CDH18: variants seen among roughly 807,000 people sequenced by gnomAD.
The protein encoded by CDH18 is cadherin 18, also known as cadherin-18.
Under a neutral mutation model 67.9 loss-of-function variants are expected in CDH18, and 31 were observed. The observed-to-expected ratio is 0.46, with a 90% confidence interval of 0.34 to 0.62. The LOEUF is 0.62. CDH18 is among the 20% of genes least tolerant of loss of function. The probability of loss-of-function intolerance (pLI) is 0.01; values close to 1 mark genes in which losing one functional copy is unlikely to be tolerated. For synonymous variants in CDH18, 362 were observed against 347.2 expected, an observed-to-expected ratio of 1.04 and a Z score of -0.48; for missense variants, 890 against 975.5, an observed-to-expected ratio of 0.91 and a Z score of 1.17.
intron 2 of CDH18, among the ~76,000 whole-genome samples, chr5:20,208,626 A>T (rs1650940382): frequency 6.6e-6 from 1 of 151,764 alleles, no homozygotes; most frequent in African/African-American, 2.4e-5. Flanking sequence ...ACTAGAAGAA[A>T]GCATTGCAGA....
At chr5:20,492,179 ATTTT>A (rs374939338) in intron 1 of CDH18, among the ~76,000 whole-genome samples, 1 of 149,404 alleles carries the variant, frequency 6.7e-6, no homozygotes, top group African/African-American at 2.5e-5. Flanking sequence ...AGTAACATTG[ATTTT>A]TTTTTTGCCA....
At chr5:20,508,653 T>A (rs1754812136) in intron 1 of CDH18, among the ~76,000 whole-genome samples, 1 of 151,914 alleles carries the variant, frequency 6.6e-6, no homozygotes, top group Non-Finnish European at 1.5e-5. Flanking sequence ...GTGGCAAGAA[T>A]ATAGAGTTTG....
intron 9 of CDH18, among the ~76,000 whole-genome samples, chr5:19,529,913 G>A (rs866183920): frequency 1.5e-4 from 23 of 152,044 alleles, no homozygotes; most frequent in Non-Finnish European, 2.2e-4. Context: ...CCAAAAATCC[G>A]ATATTGTTGA....
At chr5:20,392,676 T>C (rs1049855937) in intron 1 of CDH18, among the ~76,000 whole-genome samples, 35 of 151,930 alleles carry the variant, frequency 2.3e-4, no homozygotes, top group Admixed American at 8.5e-4. Flanking sequence ...TTGAGTCTAA[T>C]GCAGTGCTTT....
rs990534042 is a variant in CDH18 at position 20,339,607 on chromosome 5, C to T, written c.-579-84102G>A. 2.4e-4 allele frequency among the ~76,000 whole-genome samples: 36 copies of T among 152,164 alleles called. No homozygotes were observed. The East Asian group carries it at 6.2e-3, about 26-fold the overall frequency. ...CCAACTTATCCAGGACTTCCTAGAA[C>T]CCCGTCAAACTTACCCCATTCTAGG... On this transcript the variant is annotated intron_variant, in intron 1 of 14. Transcript: ENST00000507958.
At chr5:19,663,741 A>G (rs897327677) in intron 5 of CDH18, among the ~76,000 whole-genome samples, 3 of 151,974 alleles carry the variant, frequency 2.0e-5, no homozygotes, top group African/African-American at 4.8e-5. Context: ...TGACTAGTGT[A>G]CATATTTTTC....
chr5:19,763,291 G>A (rs1772618046), intron 3 of CDH18, among the ~76,000 whole-genome samples: 1 of 152,168 alleles, frequency 6.6e-6, no homozygotes, highest in South Asian at 2.1e-4. Context: ...TTGTTAATGG[G>A]AGCATGGACC....
At chr5:20,284,900 T>C (rs1170965617) in intron 1 of CDH18, among the ~76,000 whole-genome samples, 1 of 151,864 alleles carries the variant, frequency 6.6e-6, no homozygotes, top group Non-Finnish European at 1.5e-5. Context: ...GGATAGCACA[T>C]GGTCTATAAT....
chr5:19,793,946 A>G (rs188932313), intron 3 of CDH18, among the ~76,000 whole-genome samples: 177 of 152,246 alleles, frequency 1.2e-3, no homozygotes, highest in African/African-American at 4.2e-3. Flanking sequence ...ATAATTTTCC[A>G]TATCTTAAGT....
intron 5 of CDH18, among the ~76,000 whole-genome samples, chr5:19,703,583 A>G (rs915470336): frequency 6.6e-6 from 1 of 151,934 alleles, no homozygotes; most frequent in African/African-American, 2.4e-5. Context: ...CACAGGGCAA[A>G]AAGTAGTTGC....
intron 2 of CDH18, among the ~76,000 whole-genome samples, chr5:20,011,028 C>T (rs1449799834): frequency 1.3e-5 from 2 of 152,102 alleles, no homozygotes; most frequent in Non-Finnish European, 2.9e-5. Flanking sequence ...TATCATTTTG[C>T]CTCACAAATA....
chr5:20,265,724 GA>G (rs1561923817), intron 1 of CDH18, among the ~76,000 whole-genome samples: 1 of 152,132 alleles, frequency 6.6e-6, no homozygotes, highest in Admixed American at 6.5e-5. Flanking sequence ...CTAGAGCAAT[GA>G]GCACTCTTTC....
intron 5 of CDH18, among the ~76,000 whole-genome samples, chr5:19,659,022 C>A (rs937581205): frequency 6.6e-6 from 1 of 152,076 alleles, no homozygotes; most frequent in Non-Finnish European, 1.5e-5. Flanking sequence ...AGCTGGAAAC[C>A]ATCATTCTCA....
intron 1 of CDH18, among the ~76,000 whole-genome samples, chr5:20,534,223 G>A (rs1756579661): frequency 1.3e-5 from 2 of 151,928 alleles, no homozygotes; most frequent in African/African-American, 4.8e-5. Context: ...TTTTGAATTA[G>A]TTAATACTAG....
At chr5:20,451,707 A>G (rs1750465902) in intron 1 of CDH18, among the ~76,000 whole-genome samples, 2 of 152,234 alleles carry the variant, frequency 1.3e-5, no homozygotes, top group South Asian at 4.1e-4. Context: ...TCTTGTAAAT[A>G]TTTTGATTTT....
At chr5:20,003,814 C>G (rs544744823) in intron 2 of CDH18, among the ~76,000 whole-genome samples, 1 of 152,142 alleles carries the variant, frequency 6.6e-6, no homozygotes, top group African/African-American at 2.4e-5. Flanking sequence ...AGGAGAATGG[C>G]GTGAGCCCGG....
intron 5 of CDH18, among the ~76,000 whole-genome samples, chr5:19,629,106 T>C (rs1752028105): frequency 6.6e-6 from 1 of 152,012 alleles, no homozygotes; most frequent in African/African-American, 2.4e-5. Context: ...AATTTAATAG[T>C]GGATATGAAA....
intron 4 of CDH18, among the ~76,000 whole-genome samples, chr5:19,743,720 A>G (rs902597496): frequency 6.6e-5 from 10 of 152,126 alleles, no homozygotes; most frequent in Non-Finnish European, 1.3e-4. Context: ...CAAGAGTTCA[A>G]GACCAGCCTG....
At chr5:20,246,424 C>G (rs963793624) in intron 2 of CDH18, among the ~76,000 whole-genome samples, 1 of 152,052 alleles carries the variant, frequency 6.6e-6, no homozygotes, top group Non-Finnish European at 1.5e-5. Context: ...TTATTCGAAA[C>G]TCTTTTAAAT....
Sources: allele counts gnomAD v4.1 joint callset (sites outside exome capture counted in the v4.1 genomes callset), GRCh38; gene constraint gnomAD v4.1.1; transcripts MANE v1.5; gene names NCBI Gene and HGNC (gene_info 2026-07-23, HGNC 2026-07-21).